BLTP3B: variants seen among roughly 807,000 people sequenced by gnomAD.
BLTP3B encodes the protein UHRF1 (ICBP90) binding protein 1-like.
chr12:100,142,628 C>A, the BLTP3B span: 2 of 1,608,610 alleles, frequency 1.2e-6, no homozygotes, highest in Non-Finnish European at 1.7e-6. Flanking sequence ...CTTGATGATC[C>A]CGGCCATGGT....
At chr12:100,086,573 A>G in the BLTP3B span, among the ~76,000 whole-genome samples, 1 of 152,346 alleles carries the variant, frequency 6.6e-6, no homozygotes, top group African/African-American at 2.4e-5. Flanking sequence ...AGGTAAGAAT[A>G]TAAGAATAGC....
chr12:100,073,005 TATA>T, the BLTP3B span, among the ~76,000 whole-genome samples: 3 of 152,334 alleles, frequency 2.0e-5, no homozygotes, highest in African/African-American at 7.2e-5. Flanking sequence ...CAGAAAACTC[TATA>T]ATCTTTTTGG....
the BLTP3B span, among the ~76,000 whole-genome samples, chr12:100,114,028 A>G: frequency 6.6e-6 from 1 of 152,226 alleles, no homozygotes; most frequent in Non-Finnish European, 1.5e-5. Flanking sequence ...ACTGCCTTAA[A>G]GAAAATGATT....
chr12:100,093,585 A>G, the BLTP3B span, among the ~76,000 whole-genome samples: 2 of 152,136 alleles, frequency 1.3e-5, no homozygotes, highest in African/African-American at 4.8e-5. Flanking sequence ...TTCCTGTTCA[A>G]ATCCATCCTA....
chr12:100,093,815 C>G, the BLTP3B span, among the ~76,000 whole-genome samples: 1 of 152,116 alleles, frequency 6.6e-6, no homozygotes, highest in South Asian at 2.1e-4. Flanking sequence ...AACCTCACTC[C>G]TAAAAACGCT....
the BLTP3B span, among the ~76,000 whole-genome samples, chr12:100,062,190 G>A: frequency 1.3e-5 from 2 of 152,294 alleles, no homozygotes; most frequent in South Asian, 4.1e-4. Flanking sequence ...AATTTCTGTT[G>A]TTTAAGCTGC....
At chr12:100,041,597 C>T in the BLTP3B span, among the ~76,000 whole-genome samples, 1 of 151,940 alleles carries the variant, frequency 6.6e-6, no homozygotes, top group South Asian at 2.1e-4. Context: ...CTACCACACC[C>T]AGCTAATTTT....
chr12:100,084,446 A>T, the BLTP3B span: 1 of 1,589,152 alleles, frequency 6.3e-7, no homozygotes, highest in Non-Finnish European at 8.6e-7. Flanking sequence ...CACTCTTAAT[A>T]TTAGGGGAAT....
the BLTP3B span, chr12:100,095,730 A>G: frequency 1.9e-6 from 3 of 1,613,582 alleles, no homozygotes; most frequent in Admixed American, 5.0e-5. Flanking sequence ...CTTCACTAAG[A>G]GACTTTGCAT....
At chr12:100,080,856 C>A in the BLTP3B span, among the ~76,000 whole-genome samples, 1 of 145,120 alleles carries the variant, frequency 6.9e-6, no homozygotes, top group Non-Finnish European at 1.5e-5. Context: ...TGTGTCCCCA[C>A]CCAAATTTCA....
At chr12:100,071,765 A>G in the BLTP3B span, among the ~76,000 whole-genome samples, 1 of 152,204 alleles carries the variant, frequency 6.6e-6, no homozygotes, top group Admixed American at 6.5e-5. Flanking sequence ...AAAACAGTCA[A>G]AAAAATTCTC....
chr12:100,052,618 T>A, the BLTP3B span, among the ~76,000 whole-genome samples: 3 of 152,112 alleles, frequency 2.0e-5, no homozygotes, highest in Admixed American at 1.3e-4. Flanking sequence ...ATCTGAAGTA[T>A]AACGAGCACA....
chr12:100,057,134 C>T, the BLTP3B span, among the ~76,000 whole-genome samples: 1 of 152,170 alleles, frequency 6.6e-6, no homozygotes, highest in Non-Finnish European at 1.5e-5. Context: ...ATTAAGCCCA[C>T]CTAATCAAAT....
the BLTP3B span, among the ~76,000 whole-genome samples, chr12:100,073,817 C>A: frequency 2.0e-5 from 3 of 152,054 alleles, no homozygotes; most frequent in African/African-American, 7.2e-5. Flanking sequence ...TAAAATCCAA[C>A]GTCCCTTCAC....
At chr12:100,058,087 C>G in the BLTP3B span, 2 of 1,606,868 alleles carry the variant, frequency 1.2e-6, no homozygotes, top group Non-Finnish European at 1.7e-6. Flanking sequence ...TTACTGATAT[C>G]CAGGTTTTCA....
chr12:100,142,793 C>G, the BLTP3B span: 1 of 1,091,840 alleles, frequency 9.2e-7, no homozygotes, highest in Non-Finnish European at 1.3e-6. Flanking sequence ...CCACAGCCGC[C>G]GCCGAGAACC....
the BLTP3B span, among the ~76,000 whole-genome samples, chr12:100,093,795 G>A: frequency 2.6e-5 from 4 of 152,114 alleles, no homozygotes; most frequent in Non-Finnish European, 5.9e-5. Context: ...AATATATCGT[G>A]AGGCATTTGA....
the BLTP3B span, among the ~76,000 whole-genome samples, chr12:100,113,849 G>A: frequency 6.6e-6 from 1 of 151,634 alleles, no homozygotes; most frequent in African/African-American, 2.4e-5. Context: ...GGTATAACAT[G>A]AAAAACTAGA....
chr12:100,041,590 C>T, the BLTP3B span, among the ~76,000 whole-genome samples: 1 of 152,056 alleles, frequency 6.6e-6, no homozygotes, highest in South Asian at 2.1e-4. Context: ...GTGGACACTA[C>T]CACACCCAGC....
Sources: allele counts gnomAD v4.1 joint callset (sites outside exome capture counted in the v4.1 genomes callset), GRCh38; gene constraint gnomAD v4.1.1; transcripts MANE v1.5; gene names NCBI Gene and HGNC (gene_info 2026-07-23, HGNC 2026-07-21).